PLD5: variants seen among roughly 807,000 people sequenced by gnomAD.
The protein encoded by PLD5 is inactive phospholipase D5.
In PLD5, 36 loss-of-function variants were observed where a neutral mutation model predicts 61.1. That is an observed-to-expected ratio of 0.59 (90% CI 0.45 to 0.78). PLD5 has a LOEUF of 0.78. Among genes scored for constraint, PLD5 ranks in the 30% least tolerant of loss-of-function variants. The pLI is 0.00. For synonymous variants in PLD5, 243 were observed against 242.8 expected, an observed-to-expected ratio of 1.00 and a Z score of -0.01; for missense variants, 515 against 644.4, an observed-to-expected ratio of 0.80 and a Z score of 2.17.
At chr1:242,378,479 A>C (rs1478637630) in intron 1 of PLD5, among the ~76,000 whole-genome samples, 1 of 152,190 alleles carries the variant, frequency 6.6e-6, no homozygotes, top group Non-Finnish European at 1.5e-5. Flanking sequence ...AATACTACTG[A>C]ACTGTACACT....
chr1:242,483,928 T>C (rs937686297), intron 1 of PLD5, among the ~76,000 whole-genome samples: 1 of 151,690 alleles, frequency 6.6e-6, no homozygotes, highest in Non-Finnish European at 1.5e-5. Flanking sequence ...CTCAACTACA[T>C]GGAAACTGGA....
intron 1 of PLD5, among the ~76,000 whole-genome samples, chr1:242,509,508 C>T (rs553302746): frequency 7.2e-5 from 11 of 152,338 alleles, no homozygotes; most frequent in East Asian, 3.9e-4. Context: ...CTGTTCCATG[C>T]GGCCCCTGCC....
intron 1 of PLD5, among the ~76,000 whole-genome samples, chr1:242,380,584 T>C (rs948666643): frequency 3.3e-5 from 5 of 152,132 alleles, no homozygotes; most frequent in African/African-American, 1.2e-4. Flanking sequence ...TATCTATCTA[T>C]GTATATTAAT....
intron 6 of PLD5, among the ~76,000 whole-genome samples, chr1:242,118,560 G>A (rs1288199154): frequency 6.6e-6 from 1 of 152,210 alleles, no homozygotes; most frequent in Non-Finnish European, 1.5e-5. Context: ...CATACTTATG[G>A]AACGAATGTG....
intron 4 of PLD5, among the ~76,000 whole-genome samples, chr1:242,246,518 A>ACACACACACACACACACAC (rs1256880675): frequency 1.4e-5 from 1 of 73,634 alleles, no homozygotes; most frequent in Non-Finnish European, 3.3e-5. Flanking sequence ...CACACACACA[A>ACACACACACACACACACAC]AAGCAAAATC....
intron 4 of PLD5, among the ~76,000 whole-genome samples, chr1:242,233,162 G>T (rs1191822914): frequency 6.6e-6 from 1 of 150,956 alleles, no homozygotes; most frequent in Non-Finnish European, 1.5e-5. Flanking sequence ...TCAAATGAAT[G>T]AATGAATGAA....
chr1:242,169,911 GA>G (rs1228618147), intron 5 of PLD5, among the ~76,000 whole-genome samples: 1 of 152,128 alleles, frequency 6.6e-6, no homozygotes, highest in Non-Finnish European at 1.5e-5. Flanking sequence ...GGGCATCTCT[GA>G]AAAAAAGGCA....
At chr1:242,238,217 T>C (rs1671763848) in intron 4 of PLD5, among the ~76,000 whole-genome samples, 1 of 152,192 alleles carries the variant, frequency 6.6e-6, no homozygotes, top group Non-Finnish European at 1.5e-5. Context: ...CCAGGTATGC[T>C]TTTAAAAGCA....
In PLD5 at chr1:242,201,866, G is replaced by A. The variant is rs564904465; in HGVS notation, c.735+18122C>T. On this transcript the variant is annotated intron_variant, in intron 5 of 9. Transcript: ENST00000536534. ...ACAATGTCAGAAATGGTACCAAATT[G>A]ATGGAGGCCAGATTTTGTGGGAGCT... Among the ~76,000 whole-genome samples the A allele has an allele frequency of 2.0e-5, 3 of 152,224 alleles. No individual in the cohort carries two copies. In the South Asian group the frequency reaches 6.2e-4, roughly 32 times the overall value.
rs147989443 is a variant in PLD5, at chr1:242,312,488, G to A, written c.327-23958C>T. On this transcript the variant is annotated intron_variant, in intron 2 of 9. Transcript: ENST00000536534. ...TAGTCTCGCCTTTGCTTCTTCTTGG[G>A]GTCTCACCTGTTCTATTGTATTGCT... is the stretch of plus-strand genomic sequence containing the variant. 3.9e-3 allele frequency among the ~76,000 whole-genome samples: 586 copies of A among 151,880 alleles called. 1 individual carries two copies. The highest frequency in any genetic ancestry group is 9.5e-3 in the East Asian group (49 of 5,148).
Position 242,242,292 on chromosome 1 carries a change from G to C in PLD5, c.608-22177C>G, listed in dbSNP as rs542512193. Among the ~76,000 whole-genome samples, 4 of 152,140 alleles carry C rather than the reference G, an allele frequency of 2.6e-5. No individual in the cohort carries two copies. In the South Asian group the frequency reaches 8.3e-4, roughly 32 times the overall value. On this transcript the variant is annotated intron_variant, in intron 4 of 9. Transcript: ENST00000536534. Reference sequence around the variant, plus strand: ...TATACACCTGCGCCTGCAATCCAGGGGCAGTGCCCTGGATTCTCCAGCCTG... The same window carrying C: ...TATACACCTGCGCCTGCAATCCAGGCGCAGTGCCCTGGATTCTCCAGCCTG...
chr1:242,231,479 C>T (rs1233423934), intron 4 of PLD5, among the ~76,000 whole-genome samples: 1 of 152,122 alleles, frequency 6.6e-6, no homozygotes, highest in South Asian at 2.1e-4. Context: ...CCAATAATGC[C>T]AGAAGATTCC....
At chr1:242,312,656 C>T (rs184244087) in intron 2 of PLD5, among the ~76,000 whole-genome samples, 82 of 152,274 alleles carry the variant, frequency 5.4e-4, no homozygotes, top group African/African-American at 1.9e-3. Context: ...AGTTAAGCAA[C>T]GCAGAGGTCA....
intron 5 of PLD5, among the ~76,000 whole-genome samples, chr1:242,185,248 A>G (rs1667796086): frequency 6.6e-6 from 1 of 152,178 alleles, no homozygotes; most frequent in African/African-American, 2.4e-5. Context: ...TTTGTTTGCC[A>G]AATGCAATGG....
intron 1 of PLD5, among the ~76,000 whole-genome samples, chr1:242,434,024 T>G (rs1317830489): frequency 1.3e-5 from 2 of 152,200 alleles, no homozygotes; most frequent in African/African-American, 4.8e-5. Context: ...CTGAGTAAGA[T>G]GGAAAGCTGC....
intron 1 of PLD5, among the ~76,000 whole-genome samples, chr1:242,395,052 AATATAT>A (rs1359149078): frequency 1.5e-4 from 15 of 102,572 alleles, no homozygotes; most frequent in Admixed American, 7.0e-4. Flanking sequence ...TGTATATATG[AATATAT>A]ATGTATATAT....
chr1:242,257,161 T>C (rs1673115568), intron 4 of PLD5, among the ~76,000 whole-genome samples: 1 of 152,128 alleles, frequency 6.6e-6, no homozygotes, highest in Admixed American at 6.5e-5. Flanking sequence ...GTATCTACTA[T>C]CTATATGAAG....
intron 5 of PLD5, among the ~76,000 whole-genome samples, chr1:242,181,041 A>G (rs1667486502): frequency 6.6e-6 from 1 of 152,128 alleles, no homozygotes. Context: ...CAAATTTCCC[A>G]GGTGGTAAAG....
At chr1:242,401,665 TCA>T (rs892533223) in intron 1 of PLD5, among the ~76,000 whole-genome samples, 1 of 152,214 alleles carries the variant, frequency 6.6e-6, no homozygotes, top group Non-Finnish European at 1.5e-5. Flanking sequence ...TTTCAGACCC[TCA>T]CACTTCACTG....
Sources: allele counts gnomAD v4.1 joint callset (sites outside exome capture counted in the v4.1 genomes callset), GRCh38; gene constraint gnomAD v4.1.1; transcripts MANE v1.5; gene names NCBI Gene and HGNC (gene_info 2026-07-23, HGNC 2026-07-21).